Variants in ZRANB3 observed in about 807,000 individuals in gnomAD.
ZRANB3 encodes the protein DNA annealing helicase and endonuclease ZRANB3.
A neutral mutation model predicts 133.8 loss-of-function variants in ZRANB3; 125 were observed. That is an observed-to-expected ratio of 0.93 (90% confidence interval 0.81 to 1.08). The LOEUF is 1.08. Among genes scored for constraint, ZRANB3 ranks in the 50% least tolerant of loss-of-function variants. The probability of loss-of-function intolerance (pLI) is 0.00; values close to 1 mark genes in which losing one functional copy is unlikely to be tolerated. For synonymous variants in ZRANB3, 387 were observed against 432.7 expected, an observed-to-expected ratio of 0.89 and a Z score of 1.31; for missense variants, 1,229 against 1,275.5, an observed-to-expected ratio of 0.96 and a Z score of 0.56.
chr2:135,263,212 T>C (rs1558870738), intron 12 of ZRANB3, among the ~76,000 whole-genome samples: 2 of 152,202 alleles, frequency 1.3e-5, no homozygotes, highest in Admixed American at 1.3e-4. Flanking sequence ...GAATATACTG[T>C]GTGTGCTATG....
At chr2:135,434,962 T>TC in intron 2 of ZRANB3, among the ~76,000 whole-genome samples, 1 of 152,074 alleles carries the variant, frequency 6.6e-6, no homozygotes, top group East Asian at 2.0e-4. Flanking sequence ...TTCTTTTCTC[T>TC]CTTTTTTTTT....
At chr2:135,489,324 G>T (rs892978424) in intron 2 of ZRANB3, among the ~76,000 whole-genome samples, 1 of 101,200 alleles carries the variant, frequency 9.9e-6, no homozygotes, top group African/African-American at 3.8e-5. Flanking sequence ...GGGGGGAGGG[G>T]GGAGGGATAG....
chr2:135,390,876 T>A, intron 2 of ZRANB3, 56 bp from the exon 3 acceptor site: 1 of 1,479,166 alleles, frequency 6.8e-7, no homozygotes, highest in Non-Finnish European at 9.0e-7. Context: ...TTCCTTTTTT[T>A]TTTGAGATGG....
chr2:135,383,072 C>G (rs1686797066), intron 3 of ZRANB3, among the ~76,000 whole-genome samples: 1 of 151,956 alleles, frequency 6.6e-6, no homozygotes, highest in Non-Finnish European at 1.5e-5. Flanking sequence ...GAGACAAGAC[C>G]CATCAGTGTG....
intron 12 of ZRANB3, among the ~76,000 whole-genome samples, chr2:135,255,322 G>T (rs1272672533): frequency 6.6e-6 from 1 of 151,910 alleles, no homozygotes; most frequent in Non-Finnish European, 1.5e-5. Flanking sequence ...GCAATCAAAA[G>T]GGGCCCAGTC....
At chr2:135,435,030 T>C (rs992456422) in intron 2 of ZRANB3, among the ~76,000 whole-genome samples, 2 of 151,898 alleles carry the variant, frequency 1.3e-5, no homozygotes, top group Non-Finnish European at 2.9e-5. Flanking sequence ...CATGTGAAGG[T>C]TTGTTACAGA....
chr2:135,483,187 G>T (rs1192889488), intron 2 of ZRANB3, among the ~76,000 whole-genome samples: 2 of 151,630 alleles, frequency 1.3e-5, no homozygotes, highest in Non-Finnish European at 2.9e-5. Flanking sequence ...GTTTCAGAAG[G>T]AATGGTACCA....
chr2:135,371,895 C>T lies in ZRANB3; in HGVS notation c.181-18267G>A, dbSNP rs115887938. On this transcript the variant is annotated intron_variant, in intron 3 of 20. Coordinates refer to ENST00000264159, the MANE Select transcript of ZRANB3 (RefSeq NM_032143.4). ...AGTGTCCTTTTAAAAGAGACTTCAGCCCACGCACGGTGGCTCACACCTGTA... is the reference window on the plus strand; with the variant it reads ...AGTGTCCTTTTAAAAGAGACTTCAGTCCACGCACGGTGGCTCACACCTGTA... Among the ~76,000 whole-genome samples the T allele has an allele frequency of 3.0e-3, 453 of 152,170 alleles. 2 individuals are homozygous for T. The highest frequency in any genetic ancestry group is 0.01 in the African/African-American group (429 of 41,528).
rs1298526298 is a variant in ZRANB3 at position 135,207,771 on chromosome 2, G to T, written c.2672C>A (p.Thr891Asn). ...LNPYTVQADL[T>N]VKPSTSKGYL... ...GCCTTTGGATGTAGAGGGCTTCACAGTGAGATCTGCCTGGACTGTGTATGG... is the reference window on the plus strand; with the variant it reads ...GCCTTTGGATGTAGAGGGCTTCACATTGAGATCTGCCTGGACTGTGTATGG... Residue 891 changes from threonine to asparagine, a missense_variant, in exon 19 of 21, where the codon ACT becomes AAT. Coordinates refer to ENST00000264159, the MANE Select transcript of ZRANB3 (RefSeq NM_032143.4). 1 of 1,613,968 alleles carries T rather than the reference G, an allele frequency of 6.2e-7. No individual in the cohort carries two copies. Among genetic ancestry groups the T allele is most frequent in the African/African-American group, 1.3e-5 (1 of 75,066 alleles).
chr2:135,218,483 C>T (rs1435750527), intron 16 of ZRANB3, among the ~76,000 whole-genome samples: 1 of 151,630 alleles, frequency 6.6e-6, no homozygotes, highest in Admixed American at 6.6e-5. Flanking sequence ...TATAGTTGAC[C>T]TACGGGCAAT....
chr2:135,262,716 A>G (rs1273449025), intron 12 of ZRANB3, among the ~76,000 whole-genome samples: 1 of 151,978 alleles, frequency 6.6e-6, no homozygotes, highest in African/African-American at 2.4e-5. Flanking sequence ...AGGACTTTGA[A>G]GCTGCAGTGA....
At chr2:135,232,977 C>T (rs752619834) in intron 12 of ZRANB3, among the ~76,000 whole-genome samples, 3 of 151,804 alleles carry the variant, frequency 2.0e-5, no homozygotes, top group East Asian at 1.9e-4. Flanking sequence ...AGAAGGCTTC[C>T]GACAATCAAA....
At chr2:135,241,832 G>A (rs1573742886) in intron 12 of ZRANB3, among the ~76,000 whole-genome samples, 1 of 152,134 alleles carries the variant, frequency 6.6e-6, no homozygotes, top group African/African-American at 2.4e-5. Context: ...AAATGTATGA[G>A]AACTAGTGGT....
At chr2:135,237,195 C>T (rs1281552885) in intron 12 of ZRANB3, among the ~76,000 whole-genome samples, 1 of 151,846 alleles carries the variant, frequency 6.6e-6, no homozygotes, top group Non-Finnish European at 1.5e-5. Flanking sequence ...AAAAAATGCT[C>T]ATCATCACTG....
intron 2 of ZRANB3, among the ~76,000 whole-genome samples, chr2:135,431,409 T>C (rs1490243608): frequency 5.3e-5 from 8 of 151,676 alleles, no homozygotes; most frequent in South Asian, 2.1e-4. Flanking sequence ...ATTTGGATTA[T>C]ATATGTATCT....
intron 12 of ZRANB3, among the ~76,000 whole-genome samples, chr2:135,247,957 C>A (rs1238399059): frequency 6.6e-6 from 1 of 152,174 alleles, no homozygotes; most frequent in Non-Finnish European, 1.5e-5. Flanking sequence ...TTCCTCCTCA[C>A]TGGACAGAAC....
At position 135,229,603 on chromosome 2, in the gene ZRANB3, G is replaced by A. The variant is rs991089224; in HGVS notation, c.1954+910C>T. 2.8e-4 allele frequency among the ~76,000 whole-genome samples: 42 copies of A among 152,050 alleles called. No homozygotes were observed. In the East Asian group the frequency reaches 3.5e-3, roughly 13 times the overall value. On this transcript the variant is annotated intron_variant, in intron 13 of 20. Transcript: ENST00000264159. ...AGGATGGTCTCGATCTCCTGACCTC[G>A]TGATCCGCCCGCCTCGGCCTCCCAA...
rs377248215 is a variant in ZRANB3 at position 135,484,129 on chromosome 2, C to T, written c.161+20200G>A. Among the ~76,000 whole-genome samples, 251 of 152,148 alleles carry T rather than the reference C, an allele frequency of 1.6e-3. 5 individuals carry two copies. The South Asian group carries it at 0.023, about 14-fold the overall frequency. On this transcript the variant is annotated intron_variant, in intron 2 of 20. Coordinates refer to ENST00000264159, the MANE Select transcript of ZRANB3 (RefSeq NM_032143.4). ...GAGCTCTGTAGATGTCTATTAGGTCCGCTTCGTGCAGAGCTGTGTTCAATT... is the reference window on the plus strand; with the variant it reads ...GAGCTCTGTAGATGTCTATTAGGTCTGCTTCGTGCAGAGCTGTGTTCAATT...
chr2:135,413,857 G>A (rs1026769539), intron 2 of ZRANB3, among the ~76,000 whole-genome samples: 1 of 151,922 alleles, frequency 6.6e-6, no homozygotes, highest in East Asian at 1.9e-4. Flanking sequence ...AGCCAAACTA[G>A]GCTTCATAAG....
Sources: allele counts gnomAD v4.1 joint callset (sites outside exome capture counted in the v4.1 genomes callset), GRCh38; gene constraint gnomAD v4.1.1; transcripts MANE v1.5; gene names NCBI Gene and HGNC (gene_info 2026-07-23, HGNC 2026-07-21).